The following SLC1A5 variants were observed in gnomAD, a reference collection of about 807,000 sequenced individuals.
SLC1A5 encodes the protein solute carrier family 1 member 5.
A neutral mutation model predicts 34.9 loss-of-function variants in SLC1A5; 25 were observed. The observed-to-expected ratio is 0.72, with a 90% CI of 0.52 to 1.00. The LOEUF is 1.00. SLC1A5 is among the 50% of genes least tolerant of loss of function. The pLI is 0.00. For synonymous variants in SLC1A5, 351 were observed against 341.2 expected (o/e 1.03, Z -0.32); for missense variants, 637 against 740.0 (o/e 0.86, Z 1.61).
At chr19:46,776,884 T>A (rs1193392711) in intron 7 of SLC1A5, 91 bp downstream of exon 7, 1 of 1,362,192 alleles carries the variant, frequency 7.3e-7, no homozygotes, top group African/African-American at 1.5e-5. Flanking sequence ...TCTCTTCCTC[T>A]TCTGTCCAGA....
chr19:46,784,968 G>A lies in SLC1A5; in HGVS notation c.567-409C>T, dbSNP rs577697832. On this transcript the variant is annotated intron_variant, in intron 1 of 7. Coordinates refer to ENST00000542575, the MANE Select transcript of SLC1A5 (RefSeq NM_005628.3). ...TCTGAGAGTATGGGGGAGGATCTGG[G>A]TGTGTTGGGAGGCGGTGGCGGGGAG... 1.6e-5 allele frequency: 16 copies of A among 971,928 alleles called. No individual in the cohort carries two copies. In the South Asian group the frequency reaches 5.4e-4, roughly 33 times the overall value. 60.2% of individuals were successfully genotyped at this position (971,928 alleles called of 1,614,324 possible).
chr19:46,787,628 A>G lies in SLC1A5; in HGVS notation c.338T>C (p.Ile113Thr). The change falls in exon 1 of 8, where the codon ATC becomes ACC. Residue 113 changes from isoleucine (I) to threonine (T), a missense_variant. Coordinates refer to ENST00000542575, the MANE Select transcript of SLC1A5 (RefSeq NM_005628.3). This position sits in a 1 kb window ranked among gnomAD's most constrained non-coding sequence, Gnocchi z 5.2. ...GGGGTCCAGGCTGGCGGCGCCGCCG[A>G]TCAAGCTGCACACCACCAGCGGCAA... ...IILPLVVCSLIGGAASLDPGA... is the reference protein window; with the variant it reads ...IILPLVVCSLTGGAASLDPGA... 6.4e-7 allele frequency: 1 copy of G among 1,572,788 alleles called. No individual in the cohort carries two copies. The highest frequency in any genetic ancestry group is 2.3e-5 in the East Asian group (1 of 43,202).
Position 46,787,932 on chromosome 19 carries a change from G to T in SLC1A5, c.34C>A (p.Leu12Ile). The T allele has an allele frequency of 6.4e-7, 1 of 1,573,806 alleles. No individual in the cohort carries two copies. Among genetic ancestry groups the T allele is most frequent in the Non-Finnish European group, 8.6e-7 (1 of 1,162,150 alleles). Reference sequence around the variant, plus strand: ...TTGGCGGTGGGCTCCGCCGCTGCGAGCCCCTTGGAGTCTCGAGGAGGATCG... The same window carrying T: ...TTGGCGGTGGGCTCCGCCGCTGCGATCCCCTTGGAGTCTCGAGGAGGATCG... Reference protein sequence around the residue: ...VADPPRDSKGLAAAEPTANGG... With the variant: ...VADPPRDSKGIAAAEPTANGG... Residue 12 changes from leucine to isoleucine, a missense_variant, in exon 1 of 8, where the codon CTC becomes ATC. Physicochemically the swap from Leu to Ile is conservative, Grantham distance 5 (BLOSUM62 2). Coordinates refer to ENST00000542575, the MANE Select transcript of SLC1A5 (RefSeq NM_005628.3). This position sits in a 1 kb window ranked among gnomAD's most constrained non-coding sequence, Gnocchi z 5.2.
intron 4 of SLC1A5, among the ~76,000 whole-genome samples, chr19:46,780,493 A>G (rs1229116997): frequency 6.6e-6 from 1 of 151,960 alleles, no homozygotes; most frequent in East Asian, 1.9e-4. Flanking sequence ...AGTAGCTAGG[A>G]TTAAAGGTGT....
intron 5 of SLC1A5, among the ~76,000 whole-genome samples, chr19:46,778,429 T>TA (rs1377702628): frequency 6.6e-6 from 1 of 151,834 alleles, no homozygotes; most frequent in Admixed American, 6.6e-5. Context: ...CGCCATTGTT[T>TA]AAAACAAAAG....
chr19:46,777,139 T>C, intron 6 of SLC1A5, 30 bp from the exon 7 acceptor site: 1 of 1,610,082 alleles, frequency 6.2e-7, no homozygotes, highest in Non-Finnish European at 8.5e-7. Flanking sequence ...GTTAGGCAGA[T>C]GCCTGTCTTG....
intron 1 of SLC1A5, among the ~76,000 whole-genome samples, chr19:46,785,487 G>A (rs935755800): frequency 7.2e-5 from 11 of 152,188 alleles, no homozygotes; most frequent in African/African-American, 2.4e-4. Context: ...CGACAGCCTT[G>A]GGGATAATCA....
chr19:46,787,479 T>C lies in SLC1A5; in HGVS notation c.487A>G (p.Asn163Asp). 1 of 1,592,710 alleles carries C rather than the reference T, an allele frequency of 6.3e-7. No homozygotes were observed. The highest frequency in any genetic ancestry group is 8.5e-7 in the Non-Finnish European group (1 of 1,170,596). ...LQPGAASAAI[N>D]ASVGAAGSAE... ...CTGCCCGCGGCTCCCACGGAGGCGT[T>C]GATGGCGGCGGAGGCGGCGCCCGGC... Residue 163 changes from asparagine (N) to aspartate (D), a missense_variant, in exon 1 of 8, where the codon AAC becomes GAC. By Grantham distance (23) the Asn-to-Asp change is conservative (BLOSUM62 1). Coordinates refer to ENST00000542575, the MANE Select transcript of SLC1A5 (RefSeq NM_005628.3). This position sits in a 1 kb window ranked among gnomAD's most constrained non-coding sequence, Gnocchi z 5.2.
intron 7 of SLC1A5, 43 bp downstream of exon 7, chr19:46,776,931 AG>A: frequency 6.3e-7 from 1 of 1,586,566 alleles, no homozygotes; most frequent in African/African-American, 1.3e-5. Context: ...CCTCTTTCCC[AG>A]GGGTACCCCT....
intron 4 of SLC1A5, among the ~76,000 whole-genome samples, chr19:46,780,308 C>G (rs578202019): frequency 1.1e-3 from 169 of 152,098 alleles, no homozygotes; most frequent in African/African-American, 4.0e-3. Context: ...TGCACTCCAA[C>G]CTAGGCAACA....
At chr19:46,776,360 C>T (rs1229916862) in intron 7 of SLC1A5, among the ~76,000 whole-genome samples, 1 of 151,874 alleles carries the variant, frequency 6.6e-6, no homozygotes, top group Non-Finnish European at 1.5e-5. Flanking sequence ...CGTACACCAC[C>T]ATACCCGGCT....
chr19:46,788,082 T>G lies in SLC1A5; in HGVS notation c.-117A>C, dbSNP rs921354221. The G allele has an allele frequency of 1.7e-5, 16 of 914,928 alleles. No homozygotes were observed. The African/African-American group carries it at 2.6e-4, about 15-fold the overall frequency. The allele number at this position is 914,928 out of a possible 1,614,324, so 56.7% of individuals were successfully genotyped here. ...AGTAACAGCACCTGGAGACTGGAAC[T>G]TTGGAGGGCTCCTTAGAGTTGTGAG... On this transcript the variant is annotated 5_prime_UTR_variant, in exon 1 of 8. Coordinates refer to ENST00000542575, the MANE Select transcript of SLC1A5 (RefSeq NM_005628.3).
chr19:46,782,346 A>AACCCCCCCCCCCCCCCCCCCC, intron 4 of SLC1A5, 37 bp downstream of exon 4: 4 of 567,978 alleles, frequency 7.0e-6, no homozygotes, highest in East Asian at 3.6e-5. Context: ...CGACCCTCCA[A>AACCCCCCCCCCCCCCCCCCCC]CCCCACCCAC....
At chr19:46,784,794 G>A (rs1291262403) in intron 1 of SLC1A5, 2 of 1,431,250 alleles carry the variant, frequency 1.4e-6, no homozygotes, top group Admixed American at 5.7e-5. Context: ...TGCTAGCCCT[G>A]AGGCATTGTG....
intron 7 of SLC1A5, 90 bp from the exon 8 acceptor site, chr19:46,775,837 C>A: frequency 7.5e-7 from 1 of 1,342,060 alleles, no homozygotes; most frequent in Non-Finnish European, 9.9e-7. Context: ...CTGCCTCTCT[C>A]CCCCTGGAAT....
chr19:46,781,462 G>T (rs984636066), intron 4 of SLC1A5, among the ~76,000 whole-genome samples: 3 of 152,198 alleles, frequency 2.0e-5, no homozygotes, highest in Admixed American at 2.0e-4. Flanking sequence ...GCCGGGCATG[G>T]TGGCGCATGC....
At chr19:46,782,351 ACCC>A in intron 4 of SLC1A5, 29 bp downstream of exon 4, 2 of 256,186 alleles carry the variant, frequency 7.8e-6, no homozygotes, top group Non-Finnish European at 1.4e-5. Flanking sequence ...CTCCAACCCC[ACCC>A]ACCCCCAGCC....
At chr19:46,776,667 C>A (rs1259300517) in intron 7 of SLC1A5, 2 of 286,630 alleles carry the variant, frequency 7.0e-6, no homozygotes, top group Admixed American at 4.8e-5. Context: ...GAAACTGAGA[C>A]GCAGGAAGAT....
chr19:46,784,790 C>T (rs1355734142), intron 1 of SLC1A5: 7 of 1,435,270 alleles, frequency 4.9e-6, no homozygotes. Flanking sequence ...GGCGTGCTAG[C>T]CCTGAGGCAT....
Sources: gnomAD v4.1 joint callset for allele counts (sites outside exome capture counted in the v4.1 genomes callset) on GRCh38, gnomAD v4.1.1 for gene constraint, Gnocchi (gnomAD v3.1) non-coding constraint, MANE v1.5 for transcripts, NCBI Gene and HGNC (gene_info 2026-07-23, HGNC 2026-07-21) for gene names.